CPED1: variants seen among roughly 807,000 people sequenced by gnomAD.
The protein encoded by CPED1 is cadherin-like and PC-esterase domain-containing protein 1.
CPED1 carries 114 observed loss-of-function variants against 128.2 expected under a neutral mutation model. The ratio of observed to expected loss-of-function variants is 0.89; its 90% CI spans 0.76 to 1.04. CPED1 has a LOEUF of 1.04. Ranked by LOEUF, CPED1 falls within the 50% of genes least tolerant of loss-of-function variation. The pLI is 0.00. For synonymous variants in CPED1, 462 were observed against 426.7 expected, an observed-to-expected ratio of 1.08 and a Z score of -1.02; for missense variants, 1,211 against 1,207.1, an observed-to-expected ratio of 1.00 and a Z score of -0.05.
At chr7:121,238,804 G>A (rs1798320735) in intron 17 of CPED1, among the ~76,000 whole-genome samples, 1 of 151,384 alleles carries the variant, frequency 6.6e-6, no homozygotes, top group Non-Finnish European at 1.5e-5. Flanking sequence ...GGGTGCACGA[G>A]CAATATGTTT....
chr7:121,230,436 A>G (rs1195185288), intron 16 of CPED1, among the ~76,000 whole-genome samples: 8 of 152,092 alleles, frequency 5.3e-5, no homozygotes, highest in African/African-American at 1.9e-4. Context: ...GACTAATAGT[A>G]GCTTAAATAA....
chr7:121,164,293 C>T (rs1489208865), intron 16 of CPED1, among the ~76,000 whole-genome samples: 4 of 152,198 alleles, frequency 2.6e-5, no homozygotes, highest in African/African-American at 9.7e-5. Context: ...TAGTTCACTT[C>T]TTAAGTTTCA....
chr7:121,273,830 A>G (rs1792279949), intron 22 of CPED1, among the ~76,000 whole-genome samples: 2 of 152,134 alleles, frequency 1.3e-5, no homozygotes, highest in South Asian at 2.1e-4. Context: ...TACTTATCCT[A>G]TTTGCAAAAG....
intron 20 of CPED1, 42 bp from the exon 21 acceptor site, chr7:121,267,173 A>G (rs747862156): frequency 1.9e-6 from 2 of 1,047,020 alleles, no homozygotes. Context: ...CTAGAAATGT[A>G]ATTAAAGTTA....
At chr7:121,279,282 A>T (rs534815489) in intron 22 of CPED1, among the ~76,000 whole-genome samples, 8 of 151,880 alleles carry the variant, frequency 5.3e-5, no homozygotes, top group African/African-American at 1.9e-4. Flanking sequence ...AACTATTAAC[A>T]CCCCACTAAA....
At chr7:121,240,765 TA>T (rs71170235) in intron 17 of CPED1, among the ~76,000 whole-genome samples, 6 of 93,768 alleles carry the variant, frequency 6.4e-5, no homozygotes, top group African/African-American at 1.3e-4. Context: ...CCTCTTCTGT[TA>T]AAAAAAAAAA....
chr7:121,253,600 G>T (rs1398758701), intron 18 of CPED1, among the ~76,000 whole-genome samples: 1 of 151,948 alleles, frequency 6.6e-6, no homozygotes, highest in Admixed American at 6.6e-5. Context: ...AAATGTAAAT[G>T]GGCTAAATGA....
At chr7:121,152,862 G>A (rs1796190117) in intron 16 of CPED1, among the ~76,000 whole-genome samples, 1 of 152,174 alleles carries the variant, frequency 6.6e-6, no homozygotes, top group Non-Finnish European at 1.5e-5. Context: ...AAATTATACA[G>A]TACATTTTTG....
chr7:121,213,131 C>T (rs1797683984), intron 16 of CPED1, among the ~76,000 whole-genome samples: 1 of 151,628 alleles, frequency 6.6e-6, no homozygotes, highest in African/African-American at 2.4e-5. Flanking sequence ...TTAATTGGTC[C>T]ATAAATGTTT....
At chr7:121,058,332 A>G (rs757092221) in intron 4 of CPED1, among the ~76,000 whole-genome samples, 75 of 152,186 alleles carry the variant, frequency 4.9e-4, no homozygotes, top group Non-Finnish European at 9.7e-4. Flanking sequence ...AAAGACCAAA[A>G]CAGGGAGACT....
At chr7:121,088,038 A>G (rs576311700) in intron 5 of CPED1, among the ~76,000 whole-genome samples, 16 of 152,246 alleles carry the variant, frequency 1.1e-4, no homozygotes, top group Admixed American at 6.5e-5. Context: ...GTGCTACAAA[A>G]TTATTTTCTC....
chr7:121,259,695 A>T (rs573157363), intron 18 of CPED1, among the ~76,000 whole-genome samples: 1 of 152,058 alleles, frequency 6.6e-6, no homozygotes, highest in African/African-American at 2.4e-5. Context: ...TACAACTGCA[A>T]AAACTTAGAA....
intron 5 of CPED1, among the ~76,000 whole-genome samples, chr7:121,089,452 A>G (rs1252290271): frequency 6.6e-6 from 1 of 152,210 alleles, no homozygotes; most frequent in African/African-American, 2.4e-5. Flanking sequence ...TTGCCTGTGA[A>G]GTTGCCATTA....
intron 5 of CPED1, among the ~76,000 whole-genome samples, chr7:121,068,978 T>C (rs1451136150): frequency 6.6e-6 from 1 of 152,116 alleles, no homozygotes; most frequent in Non-Finnish European, 1.5e-5. Context: ...TTTGAATCTT[T>C]AATAATGTGC....
chr7:121,134,795 G>A (rs192828569), intron 13 of CPED1, among the ~76,000 whole-genome samples: 4 of 152,030 alleles, frequency 2.6e-5, no homozygotes, highest in African/African-American at 4.8e-5. Flanking sequence ...GCTGGTGGAC[G>A]TATAAATTAG....
At chr7:121,257,554 C>G (rs1298227018) in intron 18 of CPED1, among the ~76,000 whole-genome samples, 2 of 151,880 alleles carry the variant, frequency 1.3e-5, no homozygotes, top group East Asian at 3.9e-4. Flanking sequence ...CAAAAACAGT[C>G]AGGTGTATAC....
At chr7:121,230,318 G>A (rs1798107882) in intron 16 of CPED1, among the ~76,000 whole-genome samples, 1 of 152,010 alleles carries the variant, frequency 6.6e-6, no homozygotes, top group South Asian at 2.1e-4. Context: ...TCTGGCTTGG[G>A]CACCGAATCT....
chr7:121,222,266 A>G (rs1563070289), intron 16 of CPED1, among the ~76,000 whole-genome samples: 1 of 152,094 alleles, frequency 6.6e-6, no homozygotes, highest in Non-Finnish European at 1.5e-5. Flanking sequence ...AGATGGTTGT[A>G]GATGTGTGGT....
At chr7:121,105,113 A>G (rs912357296) in intron 7 of CPED1, among the ~76,000 whole-genome samples, 1 of 152,066 alleles carries the variant, frequency 6.6e-6, no homozygotes, top group Admixed American at 6.6e-5. Flanking sequence ...CTCTCACATC[A>G]ATACAATCAG....
Sources: gnomAD v4.1 joint callset for allele counts (sites outside exome capture counted in the v4.1 genomes callset) on GRCh38, gnomAD v4.1.1 for gene constraint, MANE v1.5 for transcripts, NCBI Gene and HGNC (gene_info 2026-07-23, HGNC 2026-07-21) for gene names.